Variants in RAPGEF5 observed in about 807,000 individuals in gnomAD.
The protein encoded by RAPGEF5 is M-Ras-regulated GEF.
Under a neutral mutation model 125.2 loss-of-function variants are expected in RAPGEF5, and 65 were observed. The observed-to-expected ratio is 0.52, with a 90% CI of 0.43 to 0.64. The LOEUF (loss-of-function observed/expected upper bound fraction) is 0.64. Ranked by LOEUF, RAPGEF5 falls within the 30% of genes least tolerant of loss-of-function variation. The pLI, the probability that RAPGEF5 is intolerant of heterozygous loss-of-function variation, is 0.00. For synonymous variants in RAPGEF5, 391 were observed against 385.9 expected (o/e 1.01, Z -0.16); for missense variants, 958 against 1,048.1 (o/e 0.91, Z 1.19).
At chr7:22,147,270 C>G (rs1243276607) in intron 18 of RAPGEF5, among the ~76,000 whole-genome samples, 1 of 152,204 alleles carries the variant, frequency 6.6e-6, no homozygotes, top group Non-Finnish European at 1.5e-5. Context: ...TCCCCTACCC[C>G]CACGTGCACA....
At chr7:22,132,983 C>A (rs1207796820) in intron 23 of RAPGEF5, among the ~76,000 whole-genome samples, 1 of 152,232 alleles carries the variant, frequency 6.6e-6, no homozygotes, top group African/African-American at 2.4e-5. Context: ...CCAGGCACCT[C>A]AAGTGGAAAG....
At chr7:22,343,563 G>C (rs1197097457) in intron 1 of RAPGEF5, among the ~76,000 whole-genome samples, 1 of 152,140 alleles carries the variant, frequency 6.6e-6, no homozygotes, top group African/African-American at 2.4e-5. Flanking sequence ...AACCTAGCAT[G>C]ACATTTCAAT....
At chr7:22,295,376 T>C (rs1357345823) in intron 5 of RAPGEF5, among the ~76,000 whole-genome samples, 2 of 152,236 alleles carry the variant, frequency 1.3e-5, no homozygotes, top group African/African-American at 2.4e-5. Context: ...TGAATAAAAT[T>C]AGATTTTTCA....
chr7:22,128,180 G>A (rs1422372334), intron 24 of RAPGEF5, among the ~76,000 whole-genome samples: 2 of 152,202 alleles, frequency 1.3e-5, no homozygotes, highest in African/African-American at 4.8e-5. Flanking sequence ...TCTAAAGGGG[G>A]AGGGGGTAGA....
chr7:22,160,382 T>A (rs1783948785), intron 14 of RAPGEF5, 136 bp downstream of exon 14: 1 of 750,420 alleles, frequency 1.3e-6, no homozygotes, highest in Admixed American at 3.2e-5. Context: ...AATTTACTAC[T>A]AGAAAAGCTA....
At chr7:22,180,733 C>G (rs139233624) in intron 11 of RAPGEF5, among the ~76,000 whole-genome samples, 1 of 152,190 alleles carries the variant, frequency 6.6e-6, no homozygotes, top group Non-Finnish European at 1.5e-5. Context: ...TCAATTTTCT[C>G]AATTATCAAA....
At chr7:22,317,394 C>T (rs554002116) in intron 2 of RAPGEF5, among the ~76,000 whole-genome samples, 6 of 151,980 alleles carry the variant, frequency 3.9e-5, no homozygotes, top group African/African-American at 1.4e-4. Context: ...GTGCCCACCA[C>T]CACGCCCGGC....
chr7:22,330,871 T>C (rs933666759), intron 1 of RAPGEF5, among the ~76,000 whole-genome samples: 1 of 152,234 alleles, frequency 6.6e-6, no homozygotes, highest in African/African-American at 2.4e-5. Context: ...ACTCCCTCTC[T>C]GACCCAGAAT....
At chr7:22,265,480 C>T (rs1324672115) in intron 7 of RAPGEF5, among the ~76,000 whole-genome samples, 1 of 152,114 alleles carries the variant, frequency 6.6e-6, no homozygotes, top group Non-Finnish European at 1.5e-5. Flanking sequence ...TGTATACGTG[C>T]CAAATTTTCT....
intron 7 of RAPGEF5, among the ~76,000 whole-genome samples, chr7:22,234,669 C>T (rs904079523): frequency 6.6e-6 from 1 of 152,154 alleles, no homozygotes; most frequent in Admixed American, 6.5e-5. Flanking sequence ...TTAAATGTAT[C>T]TATTTGTAAA....
At chr7:22,263,086 T>C (rs140216516) in intron 7 of RAPGEF5, among the ~76,000 whole-genome samples, 148 of 152,348 alleles carry the variant, frequency 9.7e-4, no homozygotes, top group African/African-American at 3.5e-3. Context: ...TACTGTCTGA[T>C]TCTATTTATA....
intron 14 of RAPGEF5, 83 bp from the exon 15 acceptor site, chr7:22,157,968 G>A: frequency 7.7e-7 from 1 of 1,296,134 alleles, no homozygotes; most frequent in Non-Finnish European, 1.1e-6. Flanking sequence ...TAATTTTCCA[G>A]CACTAGGCAG....
At chr7:22,157,738 G>T in intron 15 of RAPGEF5, 117 bp downstream of exon 15, 3 of 1,165,422 alleles carry the variant, frequency 2.6e-6, no homozygotes, top group South Asian at 1.3e-5. Flanking sequence ...CAGGCGCCCC[G>T]CCTTGTCGTG....
intron 5 of RAPGEF5, among the ~76,000 whole-genome samples, chr7:22,298,009 T>C (rs1319970076): frequency 1.3e-5 from 2 of 152,224 alleles, no homozygotes; most frequent in Non-Finnish European, 1.5e-5. Context: ...ATTTATCATA[T>C]AATTTGTCTA....
intron 9 of RAPGEF5, among the ~76,000 whole-genome samples, chr7:22,204,668 G>A (rs1005651993): frequency 6.6e-6 from 1 of 152,138 alleles, no homozygotes; most frequent in Non-Finnish European, 1.5e-5. Flanking sequence ...GTGTTTTTAG[G>A]GAGGCACGCC....
intron 1 of RAPGEF5, among the ~76,000 whole-genome samples, chr7:22,336,184 G>A (rs1784023740): frequency 6.6e-6 from 1 of 152,112 alleles, no homozygotes; most frequent in African/African-American, 2.4e-5. Context: ...ACACTCTTCA[G>A]AAAGAGACCA....
intron 12 of RAPGEF5, among the ~76,000 whole-genome samples, chr7:22,163,580 C>G (rs549539893): frequency 6.6e-6 from 1 of 152,346 alleles, no homozygotes; most frequent in Non-Finnish European, 1.5e-5. Context: ...TACTTATTAG[C>G]ATTTCCTAAT....
intron 16 of RAPGEF5, among the ~76,000 whole-genome samples, chr7:22,154,896 T>C (rs1783756617): frequency 6.6e-6 from 1 of 152,232 alleles, no homozygotes; most frequent in Admixed American, 6.5e-5. Flanking sequence ...GTCACGCAAG[T>C]GTGTACTCAC....
intron 20 of RAPGEF5, among the ~76,000 whole-genome samples, chr7:22,143,825 G>A (rs1274491790): frequency 6.6e-6 from 1 of 152,226 alleles, no homozygotes; most frequent in Non-Finnish European, 1.5e-5. Flanking sequence ...ACAGGAGCCA[G>A]CTGAGGTATA....
Sources: allele counts gnomAD v4.1 joint callset (sites outside exome capture counted in the v4.1 genomes callset), GRCh38; gene constraint gnomAD v4.1.1; transcripts MANE v1.5; gene names NCBI Gene and HGNC (gene_info 2026-07-23, HGNC 2026-07-21).